ASTN2: variants seen among roughly 807,000 people sequenced by gnomAD.
ASTN2 encodes astrotactin-2.
Under a neutral mutation model 139.8 loss-of-function variants are expected in ASTN2, and 54 were observed. The observed-to-expected ratio is 0.39, with a 90% CI of 0.31 to 0.48. The LOEUF (loss-of-function observed/expected upper bound fraction) is 0.48, where lower values mean the gene tolerates loss of function less well. Ranked by LOEUF, ASTN2 falls within the 20% of genes least tolerant of loss-of-function variation. The pLI is 0.95. For synonymous variants in ASTN2, 756 were observed against 719.5 expected, an observed-to-expected ratio of 1.05 and a Z score of -0.81; for missense variants, 1,565 against 1,725.1, an observed-to-expected ratio of 0.91 and a Z score of 1.64.
At chr9:117,159,258 C>T (rs988887722) in intron 3 of ASTN2, among the ~76,000 whole-genome samples, 18 of 151,762 alleles carry the variant, frequency 1.2e-4, no homozygotes, top group Non-Finnish European at 1.9e-4. Context: ...TTTTTAAAAT[C>T]CCCCCTTCTT....
In ASTN2 at chr9:116,532,104, C is replaced by T. The variant is rs192130349; in HGVS notation, c.3356-44604G>A. Among the ~76,000 whole-genome samples the T allele has an allele frequency of 7.2e-5, 11 of 152,334 alleles. No homozygotes were observed. In the East Asian group the frequency reaches 1.9e-3, roughly 27 times the overall value. On this transcript the variant is annotated intron_variant, in intron 19 of 22. Coordinates refer to ENST00000313400, the MANE Select transcript of ASTN2 (RefSeq NM_001365068.1). ...CGCATTGTAGTTTTGATTTGCATTT[C>T]TCTGATGGCCAGTGATGATGAGCAT...
At chr9:117,157,953 T>C (rs1330873324) in intron 3 of ASTN2, among the ~76,000 whole-genome samples, 1 of 152,040 alleles carries the variant, frequency 6.6e-6, no homozygotes, top group African/African-American at 2.4e-5. Flanking sequence ...TGCATCATGA[T>C]AATAATGATG....
At chr9:117,031,186 T>C (rs10983466) in intron 6 of ASTN2, among the ~76,000 whole-genome samples, 34,001 of 152,078 alleles carry the variant, frequency 0.22, 4,451 homozygotes, top group East Asian at 0.29. Flanking sequence ...GCAACATCCT[T>C]GGGGAGTGAA....
At chr9:117,315,901 T>G (rs1366560906) in intron 1 of ASTN2, among the ~76,000 whole-genome samples, 1 of 152,178 alleles carries the variant, frequency 6.6e-6, no homozygotes, top group Non-Finnish European at 1.5e-5. Context: ...TAGGCTCCCC[T>G]GACTACACAA....
In ASTN2 at chr9:117,248,285, T is replaced by C. The variant is rs563134689; in HGVS notation, c.631-33543A>G. ...ATTCAAATAGCAAGGACAAAGGCCA[T>C]AGTGGATTCTTGGAGAAGCTGAAAT... On this transcript the variant is annotated intron_variant, in intron 2 of 22. Coordinates refer to ENST00000313400, the MANE Select transcript of ASTN2 (RefSeq NM_001365068.1). 1.3e-4 allele frequency among the ~76,000 whole-genome samples: 20 copies of C among 152,296 alleles called. 2 individuals carry two copies. In the South Asian group the frequency reaches 2.7e-3, roughly 21 times the overall value.
intron 2 of ASTN2, among the ~76,000 whole-genome samples, chr9:117,225,443 G>A (rs750269455): frequency 4.0e-5 from 6 of 149,914 alleles, no homozygotes; most frequent in African/African-American, 7.3e-5. Flanking sequence ...GGCCAGGCAC[G>A]GTGGCTCACG....
chr9:116,532,099 C>G lies in ASTN2; in HGVS notation c.3356-44599G>C, dbSNP rs145858812. The stretch of plus-strand genomic sequence containing the variant: ...GGTATCGCATTGTAGTTTTGATTTG[C>G]ATTTCTCTGATGGCCAGTGATGATG... On this transcript the variant is annotated intron_variant, in intron 19 of 22. Transcript: ENST00000313400. 5.7e-3 allele frequency among the ~76,000 whole-genome samples: 870 copies of G among 152,276 alleles called. 7 individuals are homozygous for G. The highest frequency in any genetic ancestry group is 0.02 in the African/African-American group (835 of 41,552).
intron 16 of ASTN2, among the ~76,000 whole-genome samples, chr9:116,658,853 G>A (rs1742827): frequency 6.7e-6 from 1 of 148,570 alleles, no homozygotes. Context: ...TATTGGGAAA[G>A]ATACGGAGAT....
In ASTN2 at chr9:116,975,285, C is replaced by T. The variant is rs773572727; in HGVS notation, c.1812G>A (p.Pro604=). Residue 604 remains proline, a synonymous_variant, in exon 10 of 23, where the codon CCG becomes CCA. Transcript: ENST00000313400. Reference sequence around the variant, plus strand: ...GGGGGTTGATGGACAGCTCCACAGGCGGAACCACAAAGCTTTTGCTGACAG... The same window carrying T: ...GGGGGTTGATGGACAGCTCCACAGGTGGAACCACAAAGCTTTTGCTGACAG... ...WLPVSKSFVV[P]PVELSINPLA... is the part of the protein sequence containing the mutation. 16 of 1,613,338 alleles carry T rather than the reference C, an allele frequency of 9.9e-6. No homozygotes were observed. The highest frequency in any genetic ancestry group is 2.2e-5 in the East Asian group (1 of 44,826).
chr9:116,442,412 A>G (rs1226947494), intron 21 of ASTN2, 41 bp downstream of exon 21: 10 of 1,491,094 alleles, frequency 6.7e-6, no homozygotes, highest in East Asian at 2.3e-5. Context: ...CTTAGGGGAA[A>G]TATGGGAGTT....
At chr9:117,238,530 G>A (rs1014891614) in intron 2 of ASTN2, among the ~76,000 whole-genome samples, 1 of 152,222 alleles carries the variant, frequency 6.6e-6, no homozygotes. Context: ...CAACAGCTCT[G>A]GCTCTGGCCC....
chr9:116,598,830 G>C (rs551784410), intron 19 of ASTN2, among the ~76,000 whole-genome samples: 1 of 152,330 alleles, frequency 6.6e-6, no homozygotes, highest in South Asian at 2.1e-4. Flanking sequence ...TCACAGAGGT[G>C]AAGATACCTT....
chr9:116,561,038 A>C (rs942404175), intron 19 of ASTN2, among the ~76,000 whole-genome samples: 1 of 152,144 alleles, frequency 6.6e-6, no homozygotes, highest in African/African-American at 2.4e-5. Flanking sequence ...GTAAAGATGA[A>C]GCTGAGAGAG....
intron 1 of ASTN2, among the ~76,000 whole-genome samples, chr9:117,367,844 G>A (rs1026956996): frequency 2.6e-5 from 4 of 152,124 alleles, no homozygotes; most frequent in African/African-American, 9.7e-5. Flanking sequence ...TAGAAACCTG[G>A]AGGAAGGAGG....
intron 13 of ASTN2, among the ~76,000 whole-genome samples, chr9:116,758,424 A>G (rs1264306251): frequency 2.0e-5 from 3 of 152,136 alleles, no homozygotes; most frequent in African/African-American, 7.2e-5. Context: ...GGTCACTGGT[A>G]TGACAGAGGA....
intron 10 of ASTN2, among the ~76,000 whole-genome samples, chr9:116,964,522 T>A (rs1394493926): frequency 6.6e-6 from 1 of 151,998 alleles, no homozygotes; most frequent in Non-Finnish European, 1.5e-5. Flanking sequence ...CAGGAGGCAA[T>A]GAGATGTCTA....
At chr9:116,589,056 T>C (rs983784905) in intron 19 of ASTN2, among the ~76,000 whole-genome samples, 1 of 152,194 alleles carries the variant, frequency 6.6e-6, no homozygotes, top group East Asian at 1.9e-4. Context: ...GTATTCAGTG[T>C]TTAATATGTC....
chr9:116,612,478 A>T (rs962932141), intron 19 of ASTN2: 2 of 152,098 alleles, frequency 1.3e-5, no homozygotes, highest in Non-Finnish European at 2.9e-5. Context: ...GAAGTAAAGC[A>T]CTCCTCAGCA....
At chr9:117,410,281 C>T (rs1831124452) in intron 1 of ASTN2, among the ~76,000 whole-genome samples, 1 of 152,140 alleles carries the variant, frequency 6.6e-6, no homozygotes, top group Non-Finnish European at 1.5e-5. Context: ...CAAGCAGACC[C>T]CGGGGGCTGC....
Sources: gnomAD v4.1 joint callset for allele counts (sites outside exome capture counted in the v4.1 genomes callset) on GRCh38, gnomAD v4.1.1 for gene constraint, MANE v1.5 for transcripts, NCBI Gene and HGNC (gene_info 2026-07-23, HGNC 2026-07-21) for gene names.